The following SGPP2 variants were observed in gnomAD, a reference collection of about 807,000 sequenced individuals.
SGPP2 encodes sphingosine 1-phosphate phosphohydrolase 2.
Under a neutral mutation model 33.9 loss-of-function variants are expected in SGPP2, and 30 were observed. That is an observed-to-expected ratio of 0.89 (90% CI 0.66 to 1.20). SGPP2 has a LOEUF of 1.20. Ranked by LOEUF, SGPP2 falls within the 50% of genes most tolerant of loss-of-function variation. The pLI, the probability that SGPP2 is intolerant of heterozygous loss-of-function variation, is 0.00. For synonymous variants in SGPP2, 233 were observed against 225.0 expected (o/e 1.04, Z -0.32); for missense variants, 458 against 532.1 (o/e 0.86, Z 1.37).
chr2:222,494,535 A>G (rs1698246861), intron 2 of SGPP2, among the ~76,000 whole-genome samples: 1 of 152,232 alleles, frequency 6.6e-6, no homozygotes, highest in Admixed American at 6.5e-5. Context: ...CCCAACTTGC[A>G]CTTGTGTCTT....
chr2:222,477,083 A>G lies in SGPP2; in HGVS notation c.378+2357A>G, dbSNP rs1697949444. On this transcript the variant is annotated intron_variant, in intron 2 of 4. Transcript: ENST00000321276. This position sits in a 1 kb window ranked among gnomAD's most constrained non-coding sequence, Gnocchi z 6.0. ...TATATGTGTGTTTATAGATATGTATATATTTGTGAATGTATGTATATAGGT... is the reference window on the plus strand; with the variant it reads ...TATATGTGTGTTTATAGATATGTATGTATTTGTGAATGTATGTATATAGGT... Among the ~76,000 whole-genome samples, 2 of 145,226 alleles carry G rather than the reference A, an allele frequency of 1.4e-5. No homozygotes were observed.
chr2:222,538,367 G>A (rs1698944536), intron 4 of SGPP2, among the ~76,000 whole-genome samples: 1 of 152,140 alleles, frequency 6.6e-6, no homozygotes. Flanking sequence ...GACAGAGAGA[G>A]ATTTCTTGTA....
At chr2:222,451,011 G>C (rs908841291) in intron 1 of SGPP2, among the ~76,000 whole-genome samples, 3 of 151,430 alleles carry the variant, frequency 2.0e-5, no homozygotes, top group African/African-American at 7.3e-5. Context: ...TCATAATATA[G>C]AAAATGTATT....
At chr2:222,463,123 A>G (rs1209141275) in intron 1 of SGPP2, among the ~76,000 whole-genome samples, 4 of 152,198 alleles carry the variant, frequency 2.6e-5, no homozygotes, top group African/African-American at 9.6e-5. Flanking sequence ...AGGAGCGTGG[A>G]GACAGCAAGA....
chr2:222,459,084 A>C (rs1697616329), intron 1 of SGPP2, among the ~76,000 whole-genome samples: 1 of 150,038 alleles, frequency 6.7e-6, no homozygotes, highest in African/African-American at 2.5e-5. Context: ...AATTTCTCTC[A>C]AGGAGTGCTG....
chr2:222,534,475 G>A (rs554221007), intron 4 of SGPP2, among the ~76,000 whole-genome samples: 3 of 151,542 alleles, frequency 2.0e-5, no homozygotes, highest in African/African-American at 7.3e-5. Flanking sequence ...CCCAACTTTT[G>A]TTTTAGTTTT....
At chr2:222,452,322 T>G in intron 1 of SGPP2, 9 of 626,670 alleles carry the variant, frequency 1.4e-5, no homozygotes, top group East Asian at 6.3e-5. Flanking sequence ...AAAAATCCTA[T>G]GAGGGAGGGG....
At chr2:222,494,506 C>A (rs1287928504) in intron 2 of SGPP2, among the ~76,000 whole-genome samples, 1 of 152,204 alleles carries the variant, frequency 6.6e-6, no homozygotes, top group African/African-American at 2.4e-5. Context: ...TCCCAGGTCA[C>A]CTTGCCAGCC....
intron 2 of SGPP2, among the ~76,000 whole-genome samples, chr2:222,499,430 C>T (rs534519268): frequency 4.4e-4 from 67 of 152,318 alleles, no homozygotes; most frequent in Admixed American, 1.9e-3. Flanking sequence ...AGTGAACTGG[C>T]ATCAGGCAGA....
chr2:222,554,147 T>C (rs1689347325), intron 4 of SGPP2, among the ~76,000 whole-genome samples: 1 of 152,228 alleles, frequency 6.6e-6, no homozygotes, highest in Non-Finnish European at 1.5e-5. Context: ...ACACAGGGCA[T>C]CCTGTGAAAA....
intron 4 of SGPP2, among the ~76,000 whole-genome samples, chr2:222,526,871 G>A (rs957699796): frequency 8.5e-5 from 13 of 152,186 alleles, no homozygotes; most frequent in Admixed American, 8.5e-4. Flanking sequence ...TGGGAGGTTG[G>A]GGGTGAGGGG....
Position 222,477,650 on chromosome 2 carries a change from A to G in SGPP2, c.378+2924A>G, listed in dbSNP as rs1697967508. On this transcript the variant is annotated intron_variant, in intron 2 of 4. Transcript: ENST00000321276. This position sits in a 1 kb window ranked among gnomAD's most constrained non-coding sequence, Gnocchi z 6.0. Reference sequence around the variant, plus strand: ...CTTTAATAATTGTTGAGTGGGGCAGATGATGAGAAGTACATTACACAGGAA... The same window carrying G: ...CTTTAATAATTGTTGAGTGGGGCAGGTGATGAGAAGTACATTACACAGGAA... Among the ~76,000 whole-genome samples, 1 of 151,940 alleles carries G rather than the reference A, an allele frequency of 6.6e-6. No individual in the cohort carries two copies. Among genetic ancestry groups the G allele is most frequent in the Non-Finnish European group, 1.5e-5 (1 of 67,946 alleles).
chr2:222,487,718 T>TCC, intron 2 of SGPP2, among the ~76,000 whole-genome samples: 1 of 152,184 alleles, frequency 6.6e-6, no homozygotes, highest in Non-Finnish European at 1.5e-5. Flanking sequence ...TGGCAACATA[T>TCC]CCATCCTCCT....
At chr2:222,497,250 C>CT (rs57363978) in intron 2 of SGPP2, among the ~76,000 whole-genome samples, 82,785 of 118,592 alleles carry the variant, frequency 0.7, 31,268 homozygotes, top group East Asian at 0.96. Context: ...TCTCTTTCTT[C>CT]TTTTTTTTTT....
chr2:222,452,109 A>G (rs1313897702), intron 1 of SGPP2, among the ~76,000 whole-genome samples: 2 of 152,104 alleles, frequency 1.3e-5, no homozygotes, highest in African/African-American at 4.8e-5. Flanking sequence ...TCCAAACTGT[A>G]TTAGATCTAC....
Position 222,521,816 on chromosome 2 carries a change from G to C in SGPP2, c.428G>C (p.Arg143Pro), listed in dbSNP as rs566151913. The change falls in exon 3 of 5, where the codon CGT becomes CCT. Residue 143 changes from arginine to proline, a missense_variant. Coordinates refer to ENST00000321276, the MANE Select transcript of SGPP2 (RefSeq NM_152386.4). ...GCCAAGGATGTCTTGAAGTGGCCCC[G>C]TCCCTCCTCCCCTCCAGTTGTAAAA... Reference protein sequence around the residue: ...QVAKDVLKWPRPSSPPVVKLE... With the variant: ...QVAKDVLKWPPPSSPPVVKLE... 26 of 1,610,074 alleles carry C rather than the reference G, an allele frequency of 1.6e-5. No individual in the cohort carries two copies. Among genetic ancestry groups the C allele is most frequent in the Non-Finnish European group, 4.2e-6 (5 of 1,178,768 alleles).
Position 222,528,734 on chromosome 2 carries a change from G to A in SGPP2, c.648+3701G>A, listed in dbSNP as rs566240636. On this transcript the variant is annotated intron_variant, in intron 4 of 4. Transcript: ENST00000321276. ...TAGATTCAAGCAATTCTCATACCTC[G>A]GCCTCCCGAGTAGCTGGGACTACAG... Among the ~76,000 whole-genome samples, 13 of 151,944 alleles carry A rather than the reference G, an allele frequency of 8.6e-5. No individual in the cohort carries two copies. The East Asian group carries it at 1.9e-3, about 23-fold the overall frequency.
rs937504742 is a variant in SGPP2, at chr2:222,477,542, T to C, written c.378+2816T>C. Among the ~76,000 whole-genome samples, 1 of 151,962 alleles carries C rather than the reference T, an allele frequency of 6.6e-6. No individual in the cohort carries two copies. Among genetic ancestry groups the C allele is most frequent in the Non-Finnish European group, 1.5e-5 (1 of 67,956 alleles). ...GTCTGTGTATATATGTGTATTTGTG[T>C]TTATAGGTGTGTATATATGTGTGAG... On this transcript the variant is annotated intron_variant, in intron 2 of 4. Transcript: ENST00000321276. The surrounding 1 kb of genome is among the most constrained non-coding windows in gnomAD (Gnocchi z 6.0).
chr2:222,472,799 G>C (rs556540879), intron 1 of SGPP2, among the ~76,000 whole-genome samples: 2 of 152,332 alleles, frequency 1.3e-5, no homozygotes, highest in East Asian at 3.9e-4. Flanking sequence ...CAGATTACCT[G>C]AAGTCAGGAG....
Sources: gnomAD v4.1 joint callset for allele counts (sites outside exome capture counted in the v4.1 genomes callset) on GRCh38, gnomAD v4.1.1 for gene constraint, Gnocchi (gnomAD v3.1) non-coding constraint, MANE v1.5 for transcripts, NCBI Gene and HGNC (gene_info 2026-07-23, HGNC 2026-07-21) for gene names.